Variants in GLRA1 observed in about 807,000 individuals in gnomAD.
GLRA1 encodes the protein glycine receptor subunit alpha-1.
In GLRA1, 37 loss-of-function variants were observed where a neutral mutation model predicts 48.3. That is an observed-to-expected ratio of 0.77 (90% CI 0.59 to 1.01). The LOEUF (loss-of-function observed/expected upper bound fraction) is 1.01. Ranked by LOEUF, GLRA1 falls within the 50% of genes least tolerant of loss-of-function variation. The pLI, the probability that GLRA1 is intolerant of heterozygous loss-of-function variation, is 0.00. For synonymous variants in GLRA1, 196 were observed against 210.7 expected (o/e 0.93, Z 0.60); for missense variants, 427 against 571.0 (o/e 0.75, Z 2.57).
Position 151,851,608 on chromosome 5 carries a change from C to A in GLRA1, c.698-4G>T, listed in dbSNP as rs765450645. 1 of 1,604,028 alleles carries A rather than the reference C, an allele frequency of 6.2e-7. No individual in the cohort carries two copies. Among genetic ancestry groups the A allele is most frequent in the Admixed American group, 1.7e-5 (1 of 60,012 alleles). On this transcript the variant is annotated splice_region_variant and splice_polypyrimidine_tract_variant and intron_variant, in intron 6 of 8. Transcript: ENST00000274576. ...GCCTCAATGCAGGTGAATTTACCTGCAAGAAATTGCAGTGAGAAGGCAGTG... is the reference window on the plus strand; with the variant it reads ...GCCTCAATGCAGGTGAATTTACCTGAAAGAAATTGCAGTGAGAAGGCAGTG...
intron 7 of GLRA1, among the ~76,000 whole-genome samples, chr5:151,835,284 A>C (rs985654597): frequency 1.3e-5 from 2 of 152,084 alleles, no homozygotes; most frequent in Non-Finnish European, 2.9e-5. Flanking sequence ...GTAATTAATA[A>C]CCTACCAACC....
At chr5:151,860,762 A>G (rs896286437) in intron 3 of GLRA1, among the ~76,000 whole-genome samples, 1 of 152,148 alleles carries the variant, frequency 6.6e-6, no homozygotes, top group Non-Finnish European at 1.5e-5. Context: ...GTTCTAGGGT[A>G]CATGTGCACA....
At chr5:151,864,827 C>T (rs1018408029) in intron 3 of GLRA1, among the ~76,000 whole-genome samples, 9 of 152,154 alleles carry the variant, frequency 5.9e-5, no homozygotes, top group African/African-American at 2.2e-4. Context: ...CTCACCTAGT[C>T]ACTCAGTCAG....
At position 151,880,640 on chromosome 5, in the gene GLRA1, A is replaced by G. The variant is rs1482847825; in HGVS notation, c.252+6081T>C. Among the ~76,000 whole-genome samples, 8 of 152,204 alleles carry G rather than the reference A, an allele frequency of 5.3e-5. No homozygotes were observed. In the East Asian group the frequency reaches 1.5e-3, roughly 29 times the overall value. On this transcript the variant is annotated intron_variant, in intron 3 of 8. Coordinates refer to ENST00000274576, the MANE Select transcript of GLRA1 (RefSeq NM_000171.4). Reference sequence around the variant, plus strand: ...CTGTCTCTCTCTCTCATGTTTATATACAGTTCTACACAAATTCCAGCAATA... The same window carrying G: ...CTGTCTCTCTCTCTCATGTTTATATGCAGTTCTACACAAATTCCAGCAATA...
rs1554083283 is a variant in GLRA1, at chr5:151,849,497, T to TTTCC, written c.912+1892_912+1893insGGAA. 5.6e-5 allele frequency among the ~76,000 whole-genome samples: 5 copies of TTTCC among 89,100 alleles called. No individual in the cohort carries two copies. The South Asian group carries it at 1.6e-3, about 29-fold the overall frequency. The allele number at this position is 89,100 out of a possible 152,430, so 58.5% of individuals were successfully genotyped here. On this transcript the variant is annotated intron_variant, in intron 7 of 8. Transcript: ENST00000274576. ...CTTCCTTCCTTCCTTCCTTCCTTTC[T>TTTCC]TTTCTTTCTTTCTTTCTTTCTTTTT...
intron 1 of GLRA1, among the ~76,000 whole-genome samples, chr5:151,916,555 A>T (rs1016214881): frequency 4.6e-5 from 7 of 152,250 alleles, no homozygotes; most frequent in African/African-American, 9.6e-5. Flanking sequence ...TCCTGAGGTC[A>T]GACAGGTGGT....
chr5:151,924,454 A>G lies in GLRA1; in HGVS notation c.56+40T>C, dbSNP rs965015586. ...GGTAGCCTCCGTACTCTTTCCCCCC[A>G]TTTCCATCAGAGCGATGTGGTCAGT... On this transcript the variant is annotated intron_variant, in intron 1 of 8. Transcript: ENST00000274576. 13 of 1,264,878 alleles carry G rather than the reference A, an allele frequency of 1.0e-5. No homozygotes were observed. The African/African-American group carries it at 1.3e-4, about 13-fold the overall frequency. The allele number at this position is 1,264,878 out of a possible 1,614,324, so 78.4% of individuals were successfully genotyped here. A position where few individuals can be genotyped will look rare whatever the true frequency, so the allele number is the denominator to read the frequency against.
intron 1 of GLRA1, among the ~76,000 whole-genome samples, chr5:151,913,297 G>A (rs1466730713): frequency 6.6e-6 from 1 of 152,198 alleles, no homozygotes; most frequent in African/African-American, 2.4e-5. Flanking sequence ...AAAATCAGAT[G>A]AGTTTGAACC....
intron 1 of GLRA1, among the ~76,000 whole-genome samples, chr5:151,911,706 C>T (rs553232463): frequency 6.7e-6 from 1 of 148,776 alleles, no homozygotes; most frequent in South Asian, 2.2e-4. Flanking sequence ...CCCGGGTTCA[C>T]GCCATTCTCC....
chr5:151,847,174 G>A (rs1355922779), intron 7 of GLRA1, among the ~76,000 whole-genome samples: 1 of 152,184 alleles, frequency 6.6e-6, no homozygotes, highest in Non-Finnish European at 1.5e-5. Flanking sequence ...ATTGTTTTTA[G>A]CAGAAGGCTA....
At chr5:151,894,536 T>A (rs1034593396) in intron 1 of GLRA1, among the ~76,000 whole-genome samples, 5 of 152,150 alleles carry the variant, frequency 3.3e-5, no homozygotes, top group African/African-American at 9.7e-5. Context: ...TCTTGTCTTC[T>A]TGCTCCTCCA....
At chr5:151,856,529 A>G (rs1218175181) in intron 4 of GLRA1, 146 bp from the exon 5 acceptor site, 1 of 625,996 alleles carries the variant, frequency 1.6e-6, no homozygotes, top group African/African-American at 1.8e-5. Flanking sequence ...TTATTTATTT[A>G]TTTTTGAGAG....
intron 1 of GLRA1, among the ~76,000 whole-genome samples, chr5:151,919,959 G>T (rs1312596661): frequency 6.6e-6 from 1 of 152,230 alleles, no homozygotes; most frequent in African/African-American, 2.4e-5. Context: ...CAGGACGCGC[G>T]AACAGGCTGC....
intron 2 of GLRA1, among the ~76,000 whole-genome samples, chr5:151,889,975 G>T (rs374020485): frequency 6.6e-6 from 1 of 152,144 alleles, no homozygotes; most frequent in East Asian, 1.9e-4. Context: ...AACTAGTTCT[G>T]TAGATATTGG....
At chr5:151,844,280 A>G (rs1226393197) in intron 7 of GLRA1, among the ~76,000 whole-genome samples, 1 of 152,158 alleles carries the variant, frequency 6.6e-6, no homozygotes, top group African/African-American at 2.4e-5. Context: ...TTAGAAGAAA[A>G]TACAGGTATT....
Position 151,924,804 on chromosome 5 carries a change from A to T in GLRA1, c.-255T>A. The T allele has an allele frequency of 1.9e-6, 1 of 530,278 alleles. No homozygotes were observed. Among genetic ancestry groups the T allele is most frequent in the Non-Finnish European group, 3.4e-6 (1 of 293,324 alleles). The allele number at this position is 530,278 out of a possible 1,614,324, so 32.8% of individuals were successfully genotyped here. The stretch of plus-strand genomic sequence containing the variant: ...CCTGCTTTTCAGGAGCGCGAAGAGT[A>T]TTGCTGTTTGTTAAACTCCAGCGTG... On this transcript the variant is annotated 5_prime_UTR_variant, in exon 1 of 9. Transcript: ENST00000274576.
chr5:151,901,055 G>A (rs1754354736), intron 1 of GLRA1, among the ~76,000 whole-genome samples: 1 of 152,188 alleles, frequency 6.6e-6, no homozygotes, highest in South Asian at 2.1e-4. Context: ...CTCTTAGTCA[G>A]CCCCTGGGGA....
intron 1 of GLRA1, among the ~76,000 whole-genome samples, chr5:151,907,929 A>G (rs1006642829): frequency 6.6e-6 from 1 of 152,222 alleles, no homozygotes; most frequent in African/African-American, 2.4e-5. Flanking sequence ...CCTTGGGCAC[A>G]TTCTCTAGTC....
At chr5:151,856,646 G>T (rs1355662356) in intron 4 of GLRA1, among the ~76,000 whole-genome samples, 1 of 152,114 alleles carries the variant, frequency 6.6e-6, no homozygotes, top group African/African-American at 2.4e-5. Flanking sequence ...AGCCTCCAGA[G>T]TAGATGTGAC....
Sources: gnomAD v4.1 joint callset for allele counts (sites outside exome capture counted in the v4.1 genomes callset) on GRCh38, gnomAD v4.1.1 for gene constraint, MANE v1.5 for transcripts, NCBI Gene and HGNC (gene_info 2026-07-23, HGNC 2026-07-21) for gene names.